NOS1AP: variants seen among roughly 807,000 people sequenced by gnomAD.
NOS1AP encodes carboxyl-terminal PDZ ligand of neuronal nitric oxide synthase protein.
In NOS1AP, 21 loss-of-function variants were observed where a neutral mutation model predicts 56.2. The observed-to-expected ratio is 0.37, with a 90% CI of 0.26 to 0.54. The LOEUF (loss-of-function observed/expected upper bound fraction) is 0.54. Among genes scored for constraint, NOS1AP ranks in the 20% least tolerant of loss-of-function variants. The pLI is 0.84. For synonymous variants in NOS1AP, 270 were observed against 274.6 expected (o/e 0.98, Z 0.17); for missense variants, 522 against 657.8 (o/e 0.79, Z 2.26).
chr1:162,285,444 C>A (rs912410090), intron 2 of NOS1AP, among the ~76,000 whole-genome samples: 8 of 152,202 alleles, frequency 5.3e-5, no homozygotes, highest in African/African-American at 1.9e-4. Flanking sequence ...TGCAGCTGAG[C>A]AGAATGCTGC....
intron 2 of NOS1AP, among the ~76,000 whole-genome samples, chr1:162,191,894 G>C (rs1207367609): frequency 3.9e-5 from 6 of 152,178 alleles, no homozygotes; most frequent in Non-Finnish European, 5.9e-5. Flanking sequence ...TGGTGATGTA[G>C]ATCCTGGCCT....
intron 1 of NOS1AP, among the ~76,000 whole-genome samples, chr1:162,116,838 G>A (rs1210302501): frequency 1.3e-5 from 2 of 152,160 alleles, no homozygotes; most frequent in African/African-American, 4.8e-5. Flanking sequence ...ACTCCCAACA[G>A]CTGCATCCTT....
intron 4 of NOS1AP, among the ~76,000 whole-genome samples, chr1:162,303,869 A>C (rs1655737076): frequency 6.9e-6 from 1 of 145,498 alleles, no homozygotes; most frequent in African/African-American, 2.5e-5. Flanking sequence ...TGTCAAATAC[A>C]TGGTTTACAA....
chr1:162,135,064 T>G (rs1246368044), intron 1 of NOS1AP, among the ~76,000 whole-genome samples: 1 of 152,222 alleles, frequency 6.6e-6, no homozygotes, highest in Non-Finnish European at 1.5e-5. Flanking sequence ...TTATCTTCTC[T>G]GTGAGTACTT....
At chr1:162,247,176 G>A (rs1343843216) in intron 2 of NOS1AP, among the ~76,000 whole-genome samples, 2 of 152,080 alleles carry the variant, frequency 1.3e-5, no homozygotes, top group Non-Finnish European at 2.9e-5. Context: ...CTCTTGGCAT[G>A]CAGAATTAAC....
intron 2 of NOS1AP, among the ~76,000 whole-genome samples, chr1:162,209,734 C>T (rs1041533585): frequency 2.6e-5 from 4 of 151,812 alleles, no homozygotes; most frequent in African/African-American, 9.7e-5. Flanking sequence ...TAGCCATCTT[C>T]AAGTTTTGGA....
intron 1 of NOS1AP, among the ~76,000 whole-genome samples, chr1:162,129,155 T>C (rs917250042): frequency 6.6e-6 from 1 of 152,136 alleles, no homozygotes; most frequent in African/African-American, 2.4e-5. Flanking sequence ...GTTTTCTGTG[T>C]GTTCGTTCCT....
chr1:162,273,360 T>G (rs2101721375), intron 2 of NOS1AP, among the ~76,000 whole-genome samples: 1 of 152,136 alleles, frequency 6.6e-6, no homozygotes, highest in East Asian at 1.9e-4. Flanking sequence ...AGAGACAGGG[T>G]TTCACTGTGT....
At chr1:162,098,093 T>C (rs998688790) in intron 1 of NOS1AP, among the ~76,000 whole-genome samples, 7 of 147,470 alleles carry the variant, frequency 4.7e-5, no homozygotes, top group Non-Finnish European at 8.9e-5. Context: ...TAGTTTCTTC[T>C]CTCTTTTGCT....
chr1:162,276,229 A>G (rs992484870), intron 2 of NOS1AP, among the ~76,000 whole-genome samples: 1 of 152,204 alleles, frequency 6.6e-6, no homozygotes, highest in South Asian at 2.1e-4. Flanking sequence ...TGCTCTTCCT[A>G]CATAAACCAT....
intron 2 of NOS1AP, among the ~76,000 whole-genome samples, chr1:162,272,874 C>T (rs1654625606): frequency 6.6e-6 from 1 of 152,188 alleles, no homozygotes; most frequent in African/African-American, 2.4e-5. Flanking sequence ...AGAGACGTGT[C>T]TGGGCCTCAC....
chr1:162,129,511 G>A (rs1572495), intron 1 of NOS1AP, among the ~76,000 whole-genome samples: 35,635 of 152,088 alleles, frequency 0.23, 8,083 homozygotes, highest in African/African-American at 0.6. Context: ...TTGTCCTAAT[G>A]GGCTCAGCTC....
At chr1:162,305,541 A>G (rs980639733) in intron 4 of NOS1AP, among the ~76,000 whole-genome samples, 2 of 152,160 alleles carry the variant, frequency 1.3e-5, no homozygotes, top group Non-Finnish European at 2.9e-5. Context: ...AGCCACAAAT[A>G]TATAGATCTT....
At chr1:162,241,731 A>G (rs190098368) in intron 2 of NOS1AP, among the ~76,000 whole-genome samples, 10 of 152,282 alleles carry the variant, frequency 6.6e-5, no homozygotes, top group African/African-American at 1.7e-4. Flanking sequence ...AGATGAAAAT[A>G]GGTCTCCAAG....
At chr1:162,193,251 T>C (rs1291449261) in intron 2 of NOS1AP, among the ~76,000 whole-genome samples, 1 of 152,168 alleles carries the variant, frequency 6.6e-6, no homozygotes, top group East Asian at 1.9e-4. Flanking sequence ...ATCCCCGAAG[T>C]GACAGGTTGT....
chr1:162,150,180 A>G (rs879653347), intron 1 of NOS1AP, among the ~76,000 whole-genome samples: 1 of 152,002 alleles, frequency 6.6e-6, no homozygotes, highest in African/African-American at 2.4e-5. Context: ...CTCTCTTTCC[A>G]TGAGCTGAAT....
chr1:162,352,116 G>A (rs1657521335), intron 6 of NOS1AP, among the ~76,000 whole-genome samples: 1 of 151,852 alleles, frequency 6.6e-6, no homozygotes, highest in Non-Finnish European at 1.5e-5. Context: ...CTGGAGTGCA[G>A]TGGCATGATC....
intron 3 of NOS1AP, among the ~76,000 whole-genome samples, chr1:162,293,685 T>C (rs1194219944): frequency 6.6e-6 from 1 of 152,214 alleles, no homozygotes; most frequent in African/African-American, 2.4e-5. Flanking sequence ...CTTTATTCCC[T>C]TCCTCTGTGG....
intron 2 of NOS1AP, among the ~76,000 whole-genome samples, chr1:162,195,791 C>T (rs1448592284): frequency 1.3e-5 from 2 of 152,126 alleles, no homozygotes; most frequent in Non-Finnish European, 2.9e-5. Flanking sequence ...TAATCTTGTT[C>T]ATGAAATCTT....
Sources: gnomAD v4.1 joint callset for allele counts (sites outside exome capture counted in the v4.1 genomes callset) on GRCh38, gnomAD v4.1.1 for gene constraint, MANE v1.5 for transcripts, NCBI Gene and HGNC (gene_info 2026-07-23, HGNC 2026-07-21) for gene names.